The following ASCC3 variants were observed in gnomAD, a reference collection of about 807,000 sequenced individuals.
ASCC3 encodes ASC-1 complex subunit P200.
In ASCC3, 158 loss-of-function variants were observed where a neutral mutation model predicts 256.3. That is an observed-to-expected ratio of 0.62 (90% CI 0.54 to 0.70). ASCC3 has a LOEUF of 0.70. ASCC3 is among the 30% of genes least tolerant of loss of function. ASCC3 has a pLI of 0.00. For missense variants in ASCC3, 2,259 were observed against 2,626.0 expected, an observed-to-expected ratio of 0.86 and a Z score of 3.05; for synonymous variants, 948 against 883.4, an observed-to-expected ratio of 1.07 and a Z score of -1.30.
intron 10 of ASCC3, among the ~76,000 whole-genome samples, chr6:100,760,636 G>A (rs1487274149): frequency 1.3e-5 from 2 of 152,142 alleles, no homozygotes; most frequent in Admixed American, 1.3e-4. Context: ...ATAGAAGATA[G>A]TTTTAAAGCC....
At chr6:100,829,287 G>A (rs117871878) in intron 4 of ASCC3, among the ~76,000 whole-genome samples, 1,967 of 152,268 alleles carry the variant, frequency 0.013, 19 homozygotes, top group East Asian at 0.045. Flanking sequence ...AGGGGGCGGC[G>A]CTCATGGAGG....
intron 16 of ASCC3, among the ~76,000 whole-genome samples, chr6:100,656,685 T>A (rs1488130000): frequency 1.3e-5 from 2 of 151,476 alleles, no homozygotes; most frequent in African/African-American, 4.8e-5. Flanking sequence ...GAAAAAATTA[T>A]TAGAAGATGA....
At chr6:100,850,116 AAAAAG>A (rs1219053114) in intron 3 of ASCC3, among the ~76,000 whole-genome samples, 3 of 150,478 alleles carry the variant, frequency 2.0e-5, no homozygotes, top group Non-Finnish European at 3.0e-5. Flanking sequence ...AAAAAAAAAA[AAAAAG>A]AAGGAAACAT....
At chr6:100,641,138 T>G (rs1775103428) in intron 24 of ASCC3, among the ~76,000 whole-genome samples, 1 of 152,174 alleles carries the variant, frequency 6.6e-6, no homozygotes, top group African/African-American at 2.4e-5. Context: ...AAAAGTATCA[T>G]TGTAAACATT....
chr6:100,509,762 C>T (rs1479964481), intron 41 of ASCC3, among the ~76,000 whole-genome samples, 170 bp downstream of exon 41: 1 of 151,914 alleles, frequency 6.6e-6, no homozygotes, highest in Admixed American at 6.6e-5. Context: ...GTGGCGGGCG[C>T]CTGTAGTCCC....
intron 8 of ASCC3, among the ~76,000 whole-genome samples, chr6:100,798,192 T>C (rs1769728102): frequency 6.6e-6 from 1 of 152,160 alleles, no homozygotes; most frequent in Non-Finnish European, 1.5e-5. Context: ...AGGAATATTA[T>C]ATTTTGAAAT....
At chr6:100,695,129 A>T (rs918000301) in intron 13 of ASCC3, among the ~76,000 whole-genome samples, 1 of 152,186 alleles carries the variant, frequency 6.6e-6, no homozygotes, top group South Asian at 2.1e-4. Flanking sequence ...TAATCATGAA[A>T]AAACTTTAGA....
intron 36 of ASCC3, among the ~76,000 whole-genome samples, chr6:100,544,890 T>C (rs1775633492): frequency 6.6e-6 from 1 of 152,152 alleles, no homozygotes; most frequent in Non-Finnish European, 1.5e-5. Context: ...ATATCTCTCA[T>C]AAACGTAAAA....
At chr6:100,751,599 G>T (rs1420682992) in intron 10 of ASCC3, among the ~76,000 whole-genome samples, 3 of 151,786 alleles carry the variant, frequency 2.0e-5, no homozygotes, top group African/African-American at 7.3e-5. Flanking sequence ...TATTTTTTAT[G>T]CTTGATATAA....
chr6:100,818,445 T>G (rs1310584158), intron 4 of ASCC3, among the ~76,000 whole-genome samples: 1 of 151,566 alleles, frequency 6.6e-6, no homozygotes, highest in East Asian at 1.9e-4. Context: ...CAGGCACCTC[T>G]AATCCCAGCT....
intron 30 of ASCC3, among the ~76,000 whole-genome samples, chr6:100,618,868 T>C (rs1773801184): frequency 6.6e-6 from 1 of 152,190 alleles, no homozygotes; most frequent in Admixed American, 6.5e-5. Context: ...GCCTTATACA[T>C]CATGACGATA....
At chr6:100,554,947 C>A (rs1769493853) in intron 36 of ASCC3, among the ~76,000 whole-genome samples, 1 of 151,630 alleles carries the variant, frequency 6.6e-6, no homozygotes, top group Non-Finnish European at 1.5e-5. Flanking sequence ...GTTTTTAACA[C>A]TTATGATTTG....
rs764471247 is a variant in ASCC3, at chr6:100,725,545, T to C, written c.1896A>G (p.Leu632=). Residue 632 remains leucine, a synonymous_variant, in exon 11 of 42, where the codon TTA becomes TTG. Transcript: ENST00000369162. ...PVLESIVART[L]RQVESTQSMI... ...ATACATAACTTCCTCTTACCTGCCG[T>C]AAAGTACGGGCAACTATGCTTTCTA... 5.0e-6 allele frequency: 8 copies of C among 1,612,244 alleles called. No individual in the cohort carries two copies. Among genetic ancestry groups the C allele is most frequent in the Non-Finnish European group, 3.4e-6 (4 of 1,178,782 alleles).
intron 36 of ASCC3, among the ~76,000 whole-genome samples, chr6:100,582,017 T>C (rs1241120518): frequency 1.3e-5 from 2 of 152,094 alleles, no homozygotes; most frequent in African/African-American, 2.4e-5. Context: ...AGTCAGGTAG[T>C]GTGATGCCTC....
chr6:100,514,062 A>C (rs1311526697), intron 39 of ASCC3, among the ~76,000 whole-genome samples: 5 of 152,118 alleles, frequency 3.3e-5, no homozygotes, highest in Non-Finnish European at 5.9e-5. Flanking sequence ...TACCTAATTG[A>C]AATGAAGTAG....
intron 8 of ASCC3, among the ~76,000 whole-genome samples, chr6:100,768,120 A>T (rs1033503504): frequency 1.3e-5 from 2 of 152,168 alleles, no homozygotes; most frequent in African/African-American, 2.4e-5. Context: ...ATATGTTTAT[A>T]AAAAAACCTT....
intron 40 of ASCC3, among the ~76,000 whole-genome samples, chr6:100,511,940 G>C (rs1773784574): frequency 6.6e-6 from 1 of 152,014 alleles, no homozygotes; most frequent in Admixed American, 6.5e-5. Context: ...TCTAGATATG[G>C]GAAAGCCCTG....
rs1262916924 is a variant in ASCC3, at chr6:100,608,576, TTA to T, written c.4786-1490_4786-1489del. ...TATATATATACTTTATATATATATT[TTA>T]TATATATATACTTTATATATATATT... On this transcript the variant is annotated intron_variant, in intron 30 of 41. Coordinates refer to ENST00000369162, the MANE Select transcript of ASCC3 (RefSeq NM_006828.4). Among the ~76,000 whole-genome samples, 2 of 2,296 alleles carry T rather than the reference TTA, an allele frequency of 8.7e-4. 1 individual carries two copies. The highest frequency in any genetic ancestry group is 0.056 in the South Asian group (2 of 36). The allele number at this position is 2,296 out of a possible 152,430, so 1.5% of individuals were successfully genotyped here.
intron 36 of ASCC3, among the ~76,000 whole-genome samples, chr6:100,585,982 C>G (rs547480241): frequency 6.6e-6 from 1 of 152,174 alleles, no homozygotes; most frequent in East Asian, 1.9e-4. Context: ...AGTTGTCAGT[C>G]TGCTCCTACT....
Sources: allele counts gnomAD v4.1 joint callset (sites outside exome capture counted in the v4.1 genomes callset), GRCh38; gene constraint gnomAD v4.1.1; transcripts MANE v1.5; gene names NCBI Gene and HGNC (gene_info 2026-07-23, HGNC 2026-07-21).